Variants in OR52K1 observed in about 807,000 individuals in gnomAD.
OR52K1 encodes olfactory receptor 52K1.
In OR52K1, 10 loss-of-function variants were observed where a neutral mutation model predicts 8.7. That is an observed-to-expected ratio of 1.15 (90% confidence interval 0.71 to 1.95). The LOEUF (loss-of-function observed/expected upper bound fraction) is 1.95, where lower values mean the gene tolerates loss of function less well. Ranked by LOEUF, OR52K1 falls within the 30% of genes most tolerant of loss-of-function variation. The probability of loss-of-function intolerance (pLI) is 0.00; values close to 1 mark genes in which losing one functional copy is unlikely to be tolerated. For missense variants in OR52K1, 431 were observed against 397.2 expected, an observed-to-expected ratio of 1.08 and a Z score of -0.72; for synonymous variants, 203 against 148.5, an observed-to-expected ratio of 1.37 and a Z score of -2.67.
rs331511 is a variant in OR52K1, at chr11:4,492,157, C to T, written c.*2312C>T. Reference sequence around the variant, plus strand: ...ATTAAAGTGTGCATTAACTTTCCTGCTTTCTTTCCCCTCTGCTGCAAAACC... The same window carrying T: ...ATTAAAGTGTGCATTAACTTTCCTGTTTTCTTTCCCCTCTGCTGCAAAACC... On this transcript the variant is annotated 3_prime_UTR_variant, in exon 2 of 2. Coordinates refer to ENST00000641528, the MANE Select transcript of OR52K1 (RefSeq NM_001005171.3). 50,387 of 152,024 alleles carry T rather than the reference C, an allele frequency of 0.33. 8,690 individuals are homozygous for T. Among genetic ancestry groups the T allele is most frequent in the South Asian group, 0.44 (2,118 of 4,828 alleles). 9.4% of individuals were successfully genotyped at this position (152,024 alleles called of 1,614,324 possible).
rs951770075 is a variant in OR52K1 at position 4,490,157 on chromosome 11, G to T, written c.*312G>T. ...AGTAGGACCTTTATTGGCTGAGATTGGCCCAAACAGCTGAGTCACCCAAAC... is the reference window on the plus strand; with the variant it reads ...AGTAGGACCTTTATTGGCTGAGATTTGCCCAAACAGCTGAGTCACCCAAAC... On this transcript the variant is annotated 3_prime_UTR_variant, in exon 2 of 2. Coordinates refer to ENST00000641528, the MANE Select transcript of OR52K1 (RefSeq NM_001005171.3). 1.5e-5 allele frequency: 4 copies of T among 269,066 alleles called. No homozygotes were observed. The highest frequency in any genetic ancestry group is 1.4e-5 in the Non-Finnish European group (2 of 142,692). 16.7% of individuals were successfully genotyped at this position (269,066 alleles called of 1,614,324 possible).
rs1326929917 is a variant in OR52K1, at chr11:4,492,743, TA to T, written c.*2899del. 6 of 153,166 alleles carry T rather than the reference TA, an allele frequency of 3.9e-5. No homozygotes were observed. The highest frequency in any genetic ancestry group is 1.2e-4 in the African/African-American group (5 of 41,460). 9.5% of individuals were successfully genotyped at this position (153,166 alleles called of 1,614,324 possible). On this transcript the variant is annotated 3_prime_UTR_variant, in exon 2 of 2. Coordinates refer to ENST00000641528, the MANE Select transcript of OR52K1 (RefSeq NM_001005171.3). ...ACTTTTACATGATCTACTTATACTG[TA>T]GGGACCAGCCCTACAGGGTCTGTGA... is the stretch of plus-strand genomic sequence containing the variant.
rs752131811 is a variant in OR52K1, at chr11:4,488,994, C to G, written c.94C>G (p.Pro32Ala). The change falls in exon 2 of 2, where the codon CCC becomes GCC. Residue 32 changes from proline (P) to alanine (A), a missense_variant. Physicochemically the swap from Pro to Ala is conservative, Grantham distance 27 (BLOSUM62 -1). Transcript: ENST00000641528. ...LEHLHAWISIPFCFAYTLALL... is the reference protein window; with the variant it reads ...LEHLHAWISIAFCFAYTLALL... ...ACACCTGCATGCCTGGATCTCCATC[C>G]CCTTCTGCTTTGCTTATACTCTGGC... The G allele has an allele frequency of 6.2e-7, 1 of 1,613,998 alleles. No homozygotes were observed. Among genetic ancestry groups the G allele is most frequent in the Non-Finnish European group, 8.5e-7 (1 of 1,180,012 alleles).
chr11:4,485,241 C>T (rs2133104819), intron 1 of OR52K1, among the ~76,000 whole-genome samples: 1 of 152,338 alleles, frequency 6.6e-6, no homozygotes, highest in Middle Eastern at 3.4e-3. Flanking sequence ...TCTCAGTGTG[C>T]TCCAACTCTT....
chr11:4,489,202 T>C lies in OR52K1; in HGVS notation c.302T>C (p.Val101Ala), dbSNP rs765586746. 10 of 1,614,230 alleles carry C rather than the reference T, an allele frequency of 6.2e-6. No individual in the cohort carries two copies. The highest frequency in any genetic ancestry group is 7.6e-6 in the Non-Finnish European group (9 of 1,180,030). ...DQEINFFACLVQMFFLHSFSI... is the reference protein window; with the variant it reads ...DQEINFFACLAQMFFLHSFSI... ...GAGATCAACTTCTTTGCCTGTCTGGTCCAGATGTTCTTCCTTCACTCCTTC... is the reference window on the plus strand; with the variant it reads ...GAGATCAACTTCTTTGCCTGTCTGGCCCAGATGTTCTTCCTTCACTCCTTC... The change falls in exon 2 of 2, where the codon GTC (valine) becomes GCC (alanine). Residue 101 changes from valine (V) to alanine (A), a missense_variant. Physicochemically the swap from Val to Ala is moderately conservative, Grantham distance 64 (BLOSUM62 0). Coordinates refer to ENST00000641528, the MANE Select transcript of OR52K1 (RefSeq NM_001005171.3).
rs1440053181 is a variant in OR52K1, at chr11:4,493,103, C to T, written c.*3258C>T. On this transcript the variant is annotated 3_prime_UTR_variant, in exon 2 of 2. Transcript: ENST00000641528. ...ATTTCAAAGACTTTTAGTACTTTCA[C>T]TTATTCTGCTACTGCTATCTGGAAG... is the stretch of plus-strand genomic sequence containing the variant. 1 of 152,508 alleles carries T rather than the reference C, an allele frequency of 6.6e-6. No homozygotes were observed. The highest frequency in any genetic ancestry group is 1.9e-4 in the East Asian group (1 of 5,186). The allele number at this position is 152,508 out of a possible 1,614,324, so 9.4% of individuals were successfully genotyped here. A position where few individuals can be genotyped will look rare whatever the true frequency, so the allele number is the denominator to read the frequency against.
chr11:4,488,083 C>A (rs1004860076), intron 1 of OR52K1, among the ~76,000 whole-genome samples: 9 of 152,166 alleles, frequency 5.9e-5, no homozygotes, highest in Non-Finnish European at 1.0e-4. Flanking sequence ...GGGAGTTTAA[C>A]ATGAGTTTCA....
At chr11:4,484,030 A>G (rs1465007442) in intron 1 of OR52K1, among the ~76,000 whole-genome samples, 1 of 152,216 alleles carries the variant, frequency 6.6e-6, no homozygotes, top group African/African-American at 2.4e-5. Context: ...AAATGAGAAG[A>G]TAACCCAAAT....
chr11:4,484,869 C>CACACACAG (rs1846308981), intron 1 of OR52K1, among the ~76,000 whole-genome samples: 1 of 151,230 alleles, frequency 6.6e-6, no homozygotes, highest in African/African-American at 2.4e-5. Flanking sequence ...CACACACACA[C>CACACACAG]AGTTGACTTC....
chr11:4,483,806 G>A (rs1371994291), intron 1 of OR52K1, among the ~76,000 whole-genome samples: 1 of 97,170 alleles, frequency 1.0e-5, no homozygotes. Context: ...CAGTATTTTA[G>A]AAGAGTTTCT....
chr11:4,489,404 C>G lies in OR52K1; in HGVS notation c.504C>G (p.Phe168Leu), dbSNP rs748483060. Residue 168 changes from phenylalanine (F) to leucine (L), a missense_variant, in exon 2 of 2, where the codon TTC becomes TTG. By Grantham distance (22) the Phe-to-Leu change is conservative (BLOSUM62 0). Transcript: ENST00000641528. ...MTPLPFLLRR[F>L]HYCRGPVIAH... is the part of the protein sequence containing the mutation. ...CACTCCCCTTCCTGCTCAGACGCTT[C>G]CACTACTGCCGAGGCCCAGTGATTG... The G allele has an allele frequency of 5.6e-6, 9 of 1,614,134 alleles. No homozygotes were observed. Among genetic ancestry groups the G allele is most frequent in the Admixed American group, 3.3e-5 (2 of 60,014 alleles).
intron 1 of OR52K1, among the ~76,000 whole-genome samples, chr11:4,486,451 T>C (rs1388618865): frequency 6.6e-6 from 1 of 152,254 alleles, no homozygotes; most frequent in African/African-American, 2.4e-5. Context: ...TTGTTCTGTA[T>C]ATACCACTGG....
Position 4,489,419 on chromosome 11 carries a change from C to A in OR52K1, c.519C>A (p.Gly173=). The A allele has an allele frequency of 6.2e-7, 1 of 1,614,236 alleles. No homozygotes were observed. Among genetic ancestry groups the A allele is most frequent in the East Asian group, 2.2e-5 (1 of 44,882 alleles). Residue 173 remains glycine (G), a synonymous_variant, in exon 2 of 2, where the codon GGC becomes GGA. Coordinates refer to ENST00000641528, the MANE Select transcript of OR52K1 (RefSeq NM_001005171.3). ...FLLRRFHYCR[G]PVIAHCYCEH... ...TCAGACGCTTCCACTACTGCCGAGG[C>A]CCAGTGATTGCCCATTGCTACTGTG...
chr11:4,493,319 T>G lies in OR52K1; in HGVS notation c.*3474T>G, dbSNP rs1251159562. On this transcript the variant is annotated 3_prime_UTR_variant, in exon 2 of 2. Coordinates refer to ENST00000641528, the MANE Select transcript of OR52K1 (RefSeq NM_001005171.3). ...TCCCCCAGGGAAAGGGAGACTCCCT[T>G]TCTGGGTCTGTTAGTAACGGGTGTC... 2.0e-5 allele frequency: 3 copies of G among 152,180 alleles called. No homozygotes were observed. The highest frequency in any genetic ancestry group is 2.0e-4 in the Admixed American group (3 of 15,282). 9.4% of individuals were successfully genotyped at this position (152,180 alleles called of 1,614,324 possible). A position where few individuals can be genotyped will look rare whatever the true frequency, so the allele number is the denominator to read the frequency against.
rs1194776627 is a variant in OR52K1 at position 4,488,762 on chromosome 11, TA to T, written c.-136del. The T allele has an allele frequency of 6.1e-6, 4 of 652,708 alleles. No homozygotes were observed. The highest frequency in any genetic ancestry group is 1.1e-5 in the Non-Finnish European group (4 of 371,530). The allele number at this position is 652,708 out of a possible 1,614,324, so 40.4% of individuals were successfully genotyped here. A position where few individuals can be genotyped will look rare whatever the true frequency, so the allele number is the denominator to read the frequency against. On this transcript the variant is annotated 5_prime_UTR_variant, in exon 2 of 2. It removes the in-frame stop codon of an upstream open reading frame in the 5' UTR. Coordinates refer to ENST00000641528, the MANE Select transcript of OR52K1 (RefSeq NM_001005171.3). ...ATGAAGGCTGCTAGGTTATTTTGTT[TA>T]AAGTCTAGCAATGGAAACAAGAGGT...
At chr11:4,487,254 TA>T (rs960094798) in intron 1 of OR52K1, among the ~76,000 whole-genome samples, 1 of 152,082 alleles carries the variant, frequency 6.6e-6, no homozygotes, top group Non-Finnish European at 1.5e-5. Flanking sequence ...AATAATTTTT[TA>T]AAAAGTAACA....
intron 1 of OR52K1, among the ~76,000 whole-genome samples, chr11:4,485,350 T>A (rs534475400): frequency 6.6e-6 from 1 of 152,338 alleles, no homozygotes; most frequent in South Asian, 2.1e-4. Context: ...GTTTTGTGGC[T>A]TTAAATATGA....
rs764539384 is a variant in OR52K1 at position 4,489,600 on chromosome 11, G to T, written c.700G>T (p.Glu234Ter). Residue 234 changes from glutamate (E) to a stop codon, truncating the protein, a stop_gained, in exon 2 of 2, where the codon GAG becomes TAG. Coordinates refer to ENST00000641528, the MANE Select transcript of OR52K1 (RefSeq NM_001005171.3). LOFTEE classifies it high-confidence loss of function. ...LQAVLQLASQ[E>*]ARYKAFGTCV... ...GGCAGTTCTCCAGCTTGCCTCTCAG[G>T]AGGCCCGCTACAAGGCATTTGGGAC... 1 of 1,614,156 alleles carries T rather than the reference G, an allele frequency of 6.2e-7. No individual in the cohort carries two copies. The highest frequency in any genetic ancestry group is 8.5e-7 in the Non-Finnish European group (1 of 1,180,004).
Position 4,489,041 on chromosome 11 carries a change from T to C in OR52K1, c.141T>C (p.Leu47=), listed in dbSNP as rs775101763. ...YTLALLGNCT[L]LFIIQADAAL... ...TGGCCCTGCTAGGCAACTGTACCCTTCTCTTCATTATCCAGGCTGATGCAG... is the reference window on the plus strand; with the variant it reads ...TGGCCCTGCTAGGCAACTGTACCCTCCTCTTCATTATCCAGGCTGATGCAG... Residue 47 remains leucine (L), a synonymous_variant, in exon 2 of 2, where the codon CTT becomes CTC. Transcript: ENST00000641528. 4.8e-5 allele frequency: 78 copies of C among 1,614,142 alleles called. No individual in the cohort carries two copies. The highest frequency in any genetic ancestry group is 1.0e-4 in the Admixed American group (6 of 60,024).
Sources: allele counts gnomAD v4.1 joint callset (sites outside exome capture counted in the v4.1 genomes callset), GRCh38; gene constraint gnomAD v4.1.1; transcripts MANE v1.5; gene names NCBI Gene and HGNC (gene_info 2026-07-23, HGNC 2026-07-21).